Variants in FHIT observed in about 807,000 individuals in gnomAD.
FHIT encodes the protein bis(5'-adenosyl)-triphosphatase.
FHIT carries 19 observed loss-of-function variants against 17.9 expected under a neutral mutation model. The observed-to-expected ratio is 1.06, with a 90% CI of 0.74 to 1.56. The LOEUF (loss-of-function observed/expected upper bound fraction) is 1.56. Ranked by LOEUF, FHIT falls within the 40% of genes most tolerant of loss-of-function variation. The pLI, the probability that FHIT is intolerant of heterozygous loss-of-function variation, is 0.00. For synonymous variants in FHIT, 81 were observed against 69.7 expected, an observed-to-expected ratio of 1.16 and a Z score of -0.81; for missense variants, 248 against 189.2, an observed-to-expected ratio of 1.31 and a Z score of -1.82.
intron 5 of FHIT, among the ~76,000 whole-genome samples, chr3:60,043,504 T>C (rs538446727): frequency 6.6e-6 from 1 of 152,322 alleles, no homozygotes; most frequent in Admixed American, 6.5e-5. Context: ...TTGCTAAAGC[T>C]ACCAGCTAAT....
chr3:60,618,284 C>T (rs1225854406), intron 4 of FHIT, among the ~76,000 whole-genome samples: 1 of 152,122 alleles, frequency 6.6e-6, no homozygotes, highest in African/African-American at 2.4e-5. Context: ...ACCTATTTTC[C>T]AGTTTGAATT....
At chr3:60,120,678 T>G (rs1207865013) in intron 5 of FHIT, among the ~76,000 whole-genome samples, 1 of 152,208 alleles carries the variant, frequency 6.6e-6, no homozygotes, top group East Asian at 1.9e-4. Context: ...TTTTAAAATA[T>G]TCAATATCAT....
chr3:60,755,694 T>A (rs1317771102), intron 4 of FHIT, among the ~76,000 whole-genome samples: 3 of 152,232 alleles, frequency 2.0e-5, no homozygotes, highest in African/African-American at 7.2e-5. Context: ...TAATTTAGCT[T>A]ATTTAAAGTT....
Position 60,671,434 on chromosome 3 carries a change from GA to G in FHIT, c.-17-134456del, listed in dbSNP as rs540991913. ...ACTGCAGCTGATGAATTGACAAATA[GA>G]AAGAAGGGGTAACAGATAGGTACAA... is the stretch of plus-strand genomic sequence containing the variant. On this transcript the variant is annotated intron_variant, in intron 4 of 9. Coordinates refer to ENST00000492590, the MANE Select transcript of FHIT (RefSeq NM_002012.4). Among the ~76,000 whole-genome samples, 34 of 152,154 alleles carry G rather than the reference GA, an allele frequency of 2.2e-4. 1 individual carries two copies. In the East Asian group the frequency reaches 6.6e-3, roughly 29 times the overall value.
intron 4 of FHIT, among the ~76,000 whole-genome samples, chr3:60,809,646 T>C (rs375433338): frequency 1.3e-5 from 2 of 152,292 alleles, no homozygotes; most frequent in South Asian, 4.1e-4. Flanking sequence ...TAAAAACAGA[T>C]TCCTGGGCCC....
chr3:59,931,081 G>T (rs116867249), intron 7 of FHIT, among the ~76,000 whole-genome samples: 3 of 152,136 alleles, frequency 2.0e-5, no homozygotes, highest in Non-Finnish European at 4.4e-5. Context: ...CTTTTATACC[G>T]ATTATGTGAA....
At chr3:60,030,742 T>C (rs1013733540) in intron 5 of FHIT, among the ~76,000 whole-genome samples, 1 of 152,106 alleles carries the variant, frequency 6.6e-6, no homozygotes, top group Non-Finnish European at 1.5e-5. Context: ...CTGGGATGCA[T>C]GGACGGATGG....
intron 4 of FHIT, among the ~76,000 whole-genome samples, chr3:60,725,122 A>C (rs1351517239): frequency 6.6e-6 from 1 of 152,072 alleles, no homozygotes; most frequent in East Asian, 1.9e-4. Flanking sequence ...GCCCCATTTT[A>C]ACTGGGCTAT....
chr3:60,550,649 T>G (rs2036516630), intron 4 of FHIT, among the ~76,000 whole-genome samples: 1 of 152,046 alleles, frequency 6.6e-6, no homozygotes, highest in African/African-American at 2.4e-5. Context: ...TTTTACATAT[T>G]TAACCTCATT....
intron 5 of FHIT, among the ~76,000 whole-genome samples, chr3:60,283,038 C>T (rs1030993936): frequency 2.6e-5 from 4 of 152,056 alleles, no homozygotes; most frequent in African/African-American, 9.7e-5. Context: ...GATGGCAGAA[C>T]CCTCAGGATC....
intron 2 of FHIT, among the ~76,000 whole-genome samples, chr3:61,070,379 T>C (rs1037371619): frequency 6.6e-6 from 1 of 151,964 alleles, no homozygotes; most frequent in Non-Finnish European, 1.5e-5. Context: ...AGAGAAGAGG[T>C]AGATGTTCAA....
chr3:60,626,224 T>C (rs1394918441), intron 4 of FHIT, among the ~76,000 whole-genome samples: 1 of 152,226 alleles, frequency 6.6e-6, no homozygotes, highest in African/African-American at 2.4e-5. Flanking sequence ...AATTTCTGTA[T>C]GATTTTAGGA....
chr3:61,047,556 C>T (rs899616913), intron 2 of FHIT, among the ~76,000 whole-genome samples: 1 of 152,092 alleles, frequency 6.6e-6, no homozygotes, highest in African/African-American at 2.4e-5. Flanking sequence ...GTTATACTGC[C>T]CAAGGTAATT....
chr3:59,969,090 T>C (rs976770621), intron 7 of FHIT, among the ~76,000 whole-genome samples: 2 of 152,120 alleles, frequency 1.3e-5, no homozygotes, highest in Non-Finnish European at 2.9e-5. Flanking sequence ...ACACATTAAA[T>C]TTTCTGCACA....
intron 2 of FHIT, among the ~76,000 whole-genome samples, chr3:61,097,896 G>C (rs577550337): frequency 5.3e-5 from 8 of 152,076 alleles, no homozygotes; most frequent in Non-Finnish European, 7.4e-5. Flanking sequence ...CCATTCTGTA[G>C]GTTGTCTATT....
At chr3:59,877,609 A>G (rs2106936179) in intron 8 of FHIT, among the ~76,000 whole-genome samples, 1 of 152,374 alleles carries the variant, frequency 6.6e-6, no homozygotes, top group South Asian at 2.1e-4. Context: ...ATGTTCAGAC[A>G]TGCAGAGTAG....
intron 5 of FHIT, among the ~76,000 whole-genome samples, chr3:60,299,180 C>A (rs562995650): frequency 6.6e-6 from 1 of 152,178 alleles, no homozygotes; most frequent in South Asian, 2.1e-4. Context: ...CACATTTAAT[C>A]GTATTCTTTG....
chr3:60,461,394 G>A (rs1330657395), intron 5 of FHIT, among the ~76,000 whole-genome samples: 3 of 152,122 alleles, frequency 2.0e-5, no homozygotes, highest in Non-Finnish European at 4.4e-5. Flanking sequence ...GCAGCCCCTA[G>A]AGACATTCCC....
chr3:61,055,411 A>G (rs2034181856), intron 2 of FHIT, among the ~76,000 whole-genome samples: 1 of 152,158 alleles, frequency 6.6e-6, no homozygotes, highest in South Asian at 2.1e-4. Flanking sequence ...AATAAATTTA[A>G]TTTCTCCTAC....
Sources: gnomAD v4.1 joint callset for allele counts (sites outside exome capture counted in the v4.1 genomes callset) on GRCh38, gnomAD v4.1.1 for gene constraint, MANE v1.5 for transcripts, NCBI Gene and HGNC (gene_info 2026-07-23, HGNC 2026-07-21) for gene names.